Variants in MSRB3 observed in about 807,000 individuals in gnomAD.
MSRB3 encodes the protein methionine sulfoxide reductase B3, also known as methionine-R-sulfoxide reductase B3.
Under a neutral mutation model 21.0 loss-of-function variants are expected in MSRB3, and 13 were observed. That is an observed-to-expected ratio of 0.62 (90% confidence interval 0.40 to 0.98). The LOEUF (loss-of-function observed/expected upper bound fraction) is 0.98, where lower values mean the gene tolerates loss of function less well. MSRB3 is among the 50% of genes least tolerant of loss of function. The pLI, the probability that MSRB3 is intolerant of heterozygous loss-of-function variation, is 0.00. For missense variants in MSRB3, 199 were observed against 230.3 expected, an observed-to-expected ratio of 0.86 and a Z score of 0.88; for synonymous variants, 87 against 88.6, an observed-to-expected ratio of 0.98 and a Z score of 0.10.
intron 5 of MSRB3, among the ~76,000 whole-genome samples, chr12:65,402,907 C>T (rs1880208536): frequency 6.6e-6 from 1 of 152,180 alleles, no homozygotes; most frequent in Non-Finnish European, 1.5e-5. Context: ...ACTCCAGACC[C>T]TGTTTGCTTG....
chr12:65,410,817 C>CA, intron 5 of MSRB3, among the ~76,000 whole-genome samples: 1 of 152,142 alleles, frequency 6.6e-6, no homozygotes. Context: ...AGTAAACACT[C>CA]AATCATTTCT....
chr12:65,409,755 A>G (rs77009664), intron 5 of MSRB3, among the ~76,000 whole-genome samples: 2,788 of 152,274 alleles, frequency 0.018, 95 homozygotes, highest in African/African-American at 0.064. Context: ...ATCTAGATTT[A>G]TTATAAAAAT....
At chr12:65,329,262 A>T (rs1875253271) in intron 4 of MSRB3, among the ~76,000 whole-genome samples, 1 of 151,940 alleles carries the variant, frequency 6.6e-6, no homozygotes, top group East Asian at 1.9e-4. Context: ...TTTACCAAAA[A>T]CTTATTTATC....
intron 5 of MSRB3, among the ~76,000 whole-genome samples, chr12:65,438,348 A>G (rs1438389245): frequency 5.3e-5 from 8 of 151,892 alleles, no homozygotes; most frequent in African/African-American, 1.9e-4. Flanking sequence ...TGAAAGAAAA[A>G]TTAAGAGACT....
intron 4 of MSRB3, among the ~76,000 whole-genome samples, chr12:65,331,196 C>A (rs894751337): frequency 6.6e-6 from 1 of 152,122 alleles, no homozygotes; most frequent in African/African-American, 2.4e-5. Flanking sequence ...TATGAGGAAG[C>A]ATGTATCAGT....
At chr12:65,409,471 CTT>C (rs1327490827) in intron 5 of MSRB3, among the ~76,000 whole-genome samples, 1 of 151,932 alleles carries the variant, frequency 6.6e-6, no homozygotes, top group Non-Finnish European at 1.5e-5. Context: ...ACAAGATACA[CTT>C]ATATAGATAA....
intron 5 of MSRB3, among the ~76,000 whole-genome samples, chr12:65,409,867 G>T (rs1044852273): frequency 5.3e-5 from 8 of 152,138 alleles, no homozygotes; most frequent in African/African-American, 1.9e-4. Context: ...AATCAGAACA[G>T]GAGTGGTAAT....
chr12:65,287,020 C>CAAAAA (rs35236078), intron 1 of MSRB3, among the ~76,000 whole-genome samples: 4 of 57,158 alleles, frequency 7.0e-5, no homozygotes, highest in Non-Finnish European at 8.7e-5. Flanking sequence ...GACCCTTTCT[C>CAAAAA]AAAAAAAAAA....
intron 5 of MSRB3, among the ~76,000 whole-genome samples, chr12:65,442,611 T>C (rs1313819472): frequency 6.6e-6 from 1 of 152,106 alleles, no homozygotes; most frequent in African/African-American, 2.4e-5. Context: ...TAATAAATTC[T>C]AAGCAAACTT....
At chr12:65,279,119 C>T in intron 1 of MSRB3, 1 of 1,356,920 alleles carries the variant, frequency 7.4e-7, no homozygotes, top group Non-Finnish European at 9.6e-7. Flanking sequence ...GTCTGGCAGC[C>T]TCACTGACAC....
chr12:65,458,417 A>G (rs1883185397), intron 6 of MSRB3, among the ~76,000 whole-genome samples: 1 of 152,178 alleles, frequency 6.6e-6, no homozygotes, highest in East Asian at 1.9e-4. Flanking sequence ...TTCTCAGATA[A>G]TGTTTTTAGT....
chr12:65,374,665 T>G (rs1319490109), intron 5 of MSRB3, among the ~76,000 whole-genome samples: 3 of 152,224 alleles, frequency 2.0e-5, no homozygotes, highest in African/African-American at 7.2e-5. Context: ...GGTGTAATTT[T>G]TCTAGCGTTT....
chr12:65,396,433 A>G (rs1879782306), intron 5 of MSRB3, among the ~76,000 whole-genome samples: 1 of 152,212 alleles, frequency 6.6e-6, no homozygotes, highest in Admixed American at 6.5e-5. Flanking sequence ...GCTCACGCCA[A>G]TAATCCCAGC....
At chr12:65,349,672 T>G (rs1241533396) in intron 4 of MSRB3, among the ~76,000 whole-genome samples, 1 of 147,680 alleles carries the variant, frequency 6.8e-6, no homozygotes, top group Non-Finnish European at 1.5e-5. Flanking sequence ...ATGGTGAGCA[T>G]TTTTTCAAGT....
At chr12:65,331,629 C>T (rs1875425771) in intron 4 of MSRB3, among the ~76,000 whole-genome samples, 1 of 152,188 alleles carries the variant, frequency 6.6e-6, no homozygotes, top group East Asian at 1.9e-4. Context: ...GTGAGCGGAG[C>T]GCCAGGGGAA....
At chr12:65,456,811 A>G (rs905257849) in intron 6 of MSRB3, among the ~76,000 whole-genome samples, 2 of 152,230 alleles carry the variant, frequency 1.3e-5, no homozygotes, top group Non-Finnish European at 2.9e-5. Context: ...AGGTTCCAGC[A>G]CTAACGAATG....
At chr12:65,290,923 T>C (rs943789171) in intron 1 of MSRB3, among the ~76,000 whole-genome samples, 2 of 152,200 alleles carry the variant, frequency 1.3e-5, no homozygotes, top group Non-Finnish European at 2.9e-5. Flanking sequence ...AATAAAGTTT[T>C]TGATAGTGAT....
At chr12:65,462,650 T>G (rs1883382301) in intron 6 of MSRB3, among the ~76,000 whole-genome samples, 1 of 152,240 alleles carries the variant, frequency 6.6e-6, no homozygotes, top group Non-Finnish European at 1.5e-5. Flanking sequence ...ATTGCTTCGC[T>G]GGGTTCCAAG....
At chr12:65,296,839 G>A (rs908430210) in intron 1 of MSRB3, among the ~76,000 whole-genome samples, 2 of 152,206 alleles carry the variant, frequency 1.3e-5, no homozygotes, top group Non-Finnish European at 2.9e-5. Flanking sequence ...TAGAGATCCT[G>A]AAGTAGGAAG....
Sources: allele counts gnomAD v4.1 joint callset (sites outside exome capture counted in the v4.1 genomes callset), GRCh38; gene constraint gnomAD v4.1.1; transcripts MANE v1.5; gene names NCBI Gene and HGNC (gene_info 2026-07-23, HGNC 2026-07-21).